The following CHD6 variants were observed in gnomAD, a reference collection of about 807,000 sequenced individuals.
CHD6 encodes ATP-dependent chromatin remodeler CHD6.
Under a neutral mutation model 276.9 loss-of-function variants are expected in CHD6, and 50 were observed. The ratio of observed to expected loss-of-function variants is 0.18; its 90% CI spans 0.14 to 0.23. The LOEUF is 0.23. Ranked by LOEUF, CHD6 falls within the 10% of genes least tolerant of loss-of-function variation. The probability of loss-of-function intolerance (pLI) is 1.00; values close to 1 mark genes in which losing one functional copy is unlikely to be tolerated. For missense variants in CHD6, 2,564 were observed against 3,365.8 expected, an observed-to-expected ratio of 0.76 and a Z score of 5.89; for synonymous variants, 1,173 against 1,229.3, an observed-to-expected ratio of 0.95 and a Z score of 0.96.
rs969822813 is a variant in CHD6, at chr20:41,403,997, C to A, written c.*596G>T. 3 of 1,052,574 alleles carry A rather than the reference C, an allele frequency of 2.9e-6. No homozygotes were observed. Among genetic ancestry groups the A allele is most frequent in the Non-Finnish European group, 3.4e-6 (3 of 871,386 alleles). 65.2% of individuals were successfully genotyped at this position (1,052,574 alleles called of 1,614,324 possible). A position where few individuals can be genotyped will look rare whatever the true frequency, so the allele number is the denominator to read the frequency against. On this transcript the variant is annotated 3_prime_UTR_variant, in exon 37 of 37. Coordinates refer to ENST00000373233, the MANE Select transcript of CHD6 (RefSeq NM_032221.5). ...CACCAAGGGGGAAATTATATTACTACCGGTAAGGTTTTTGTTTTTTATAAA... is the reference window on the plus strand; with the variant it reads ...CACCAAGGGGGAAATTATATTACTAACGGTAAGGTTTTTGTTTTTTATAAA...
At chr20:41,438,374 G>A (rs1000393672) in intron 26 of CHD6, among the ~76,000 whole-genome samples, 1 of 152,098 alleles carries the variant, frequency 6.6e-6, no homozygotes, top group Non-Finnish European at 1.5e-5. Context: ...CGGATCACCT[G>A]AGGTCAGGAG....
In CHD6 at chr20:41,403,702, T is replaced by C. The variant is rs1006493875; in HGVS notation, c.*891A>G. 2.8e-6 allele frequency: 3 copies of C among 1,057,756 alleles called. No homozygotes were observed. Among genetic ancestry groups the C allele is most frequent in the Non-Finnish European group, 3.4e-6 (3 of 874,678 alleles). 65.5% of individuals were successfully genotyped at this position (1,057,756 alleles called of 1,614,324 possible). A position where few individuals can be genotyped will look rare whatever the true frequency, so the allele number is the denominator to read the frequency against. On this transcript the variant is annotated 3_prime_UTR_variant, in exon 37 of 37. Coordinates refer to ENST00000373233, the MANE Select transcript of CHD6 (RefSeq NM_032221.5). Reference sequence around the variant, plus strand: ...AAGCCTGAAGTGAAAATCCATTCGGTCCTGGTGCTCTTTAAACACAGAGAG... The same window carrying C: ...AAGCCTGAAGTGAAAATCCATTCGGCCCTGGTGCTCTTTAAACACAGAGAG...
intron 3 of CHD6, among the ~76,000 whole-genome samples, chr20:41,521,503 C>T (rs1246138533): frequency 6.6e-6 from 1 of 152,118 alleles, no homozygotes; most frequent in Non-Finnish European, 1.5e-5. Context: ...ACTTCTATAA[C>T]ATGTATGAAC....
chr20:41,483,412 C>T lies in CHD6; in HGVS notation c.2365G>A (p.Asp789Asn), dbSNP rs2043339301. The T allele has an allele frequency of 1.2e-6, 2 of 1,613,782 alleles. No homozygotes were observed. The highest frequency in any genetic ancestry group is 1.7e-6 in the Non-Finnish European group (2 of 1,179,858). The change falls in exon 16 of 37, where the codon GAT becomes AAT. Residue 789 changes from aspartate to asparagine, a missense_variant. Asp to Asn is a conservative substitution (Grantham distance 23). This residue lies in a region of CHD6 where 457 missense variants were observed against 889.0 expected (regional missense o/e 0.51). Transcript: ENST00000373233. ...IQAAGKLVLI[D>N]KLLPKLIAGG... ...GCAATCAGCTTAGGGAGTAGTTTAT[C>T]AATCAACACAAGCTTTCCTGCTGCC...
At chr20:41,413,622 C>T in intron 34 of CHD6, 107 bp from the exon 35 acceptor site, 1 of 949,726 alleles carries the variant, frequency 1.1e-6, no homozygotes, top group Non-Finnish European at 1.5e-6. Context: ...CTATTTCCAC[C>T]CTGATATTAC....
At chr20:41,425,101 C>T in intron 29 of CHD6, 77 bp downstream of exon 29, 1 of 1,158,562 alleles carries the variant, frequency 8.6e-7, no homozygotes, top group East Asian at 2.4e-5. Flanking sequence ...TACTCGCCCT[C>T]CAAGCTACCG....
chr20:41,495,417 T>C (rs774080179), intron 8 of CHD6, among the ~76,000 whole-genome samples: 3 of 152,060 alleles, frequency 2.0e-5, no homozygotes, highest in Non-Finnish European at 4.4e-5. Flanking sequence ...ATCAAACTCA[T>C]AGAAGCAGAG....
chr20:41,444,097 C>A (rs141986614), intron 25 of CHD6, among the ~76,000 whole-genome samples: 3 of 152,180 alleles, frequency 2.0e-5, no homozygotes, highest in Non-Finnish European at 4.4e-5. Context: ...AGGCCTTCCC[C>A]CACAAACCAA....
chr20:41,591,760 A>C (rs2045663814), intron 1 of CHD6, among the ~76,000 whole-genome samples: 3 of 152,180 alleles, frequency 2.0e-5, no homozygotes, highest in Admixed American at 2.0e-4. Context: ...GGATTTTCAC[A>C]GATGGAAGGT....
In CHD6 at chr20:41,472,768, C is replaced by T. The variant is rs79136364; in HGVS notation, c.2664+554G>A. On this transcript the variant is annotated intron_variant, in intron 17 of 36. Transcript: ENST00000373233. ...CTTTGCAGTAATCTTTTAAAGCCAC[C>T]GGTTATTTAGTTTGGCTAAAACCAG... Among the ~76,000 whole-genome samples, 575 of 152,204 alleles carry T rather than the reference C, an allele frequency of 3.8e-3. 3 individuals carry two copies. Among genetic ancestry groups the T allele is most frequent in the African/African-American group, 0.013 (544 of 41,520 alleles).
chr20:41,553,526 T>A (rs1009978549), intron 1 of CHD6, among the ~76,000 whole-genome samples: 1 of 152,234 alleles, frequency 6.6e-6, no homozygotes, highest in African/African-American at 2.4e-5. Flanking sequence ...CACACTTACC[T>A]ATTTAGGAAA....
rs755434038 is a variant in CHD6, at chr20:41,421,663, C to G, written c.4972G>C (p.Glu1658Gln). The G allele has an allele frequency of 6.2e-7, 1 of 1,613,290 alleles. No individual in the cohort carries two copies. The highest frequency in any genetic ancestry group is 8.5e-7 in the Non-Finnish European group (1 of 1,179,504). ...TCTACTCTCACTAGATTTTCAGGTT[C>G]ATTTTCAAGGGACTCTGAAGTCCTA... ...MSRTSESLEN[E>Q]PENLVRVESR... The change falls in exon 31 of 37, where the codon GAA (glutamate) becomes CAA (glutamine). Residue 1658 changes from glutamate to glutamine, a missense_variant. By Grantham distance (29) the Glu-to-Gln change is conservative. This residue lies in a region of CHD6 where 1,024 missense variants were observed against 1,047.9 expected (regional missense o/e 0.98). Coordinates refer to ENST00000373233, the MANE Select transcript of CHD6 (RefSeq NM_032221.5).
rs2043604315 is a variant in CHD6 at position 41,493,424 on chromosome 20, A to G, written c.1314+114T>C. The G allele has an allele frequency of 1.5e-5, 16 of 1,063,998 alleles. No individual in the cohort carries two copies. In the South Asian group the frequency reaches 2.2e-4, roughly 15 times the overall value. The allele number at this position is 1,063,998 out of a possible 1,614,324, so 65.9% of individuals were successfully genotyped here. ...ATTGAGGGTTCAATGAGAAGTAACA[A>G]AGGTAAAATACCACAGAAACCACCT... On this transcript the variant is annotated intron_variant, in intron 10 of 36. Transcript: ENST00000373233.
chr20:41,422,603 T>C (rs952292891), intron 30 of CHD6, among the ~76,000 whole-genome samples: 3 of 152,204 alleles, frequency 2.0e-5, no homozygotes. Context: ...TGTGATCATG[T>C]CACTGTACTC....
In CHD6 at chr20:41,483,241, G is replaced by A. The variant is rs570570846; in HGVS notation, c.2468+68C>T. On this transcript the variant is annotated intron_variant, in intron 16 of 36. Transcript: ENST00000373233. ...TGTGTTTAAACAAAATTTTTGAATGGATCAAAAAAATATCAAAGGAAAGGA... is the reference window on the plus strand; with the variant it reads ...TGTGTTTAAACAAAATTTTTGAATGAATCAAAAAAATATCAAAGGAAAGGA... 25 of 1,385,220 alleles carry A rather than the reference G, an allele frequency of 1.8e-5. No homozygotes were observed. The South Asian group carries it at 4.0e-4, about 22-fold the overall frequency. 85.8% of individuals were successfully genotyped at this position (1,385,220 alleles called of 1,614,324 possible).
intron 1 of CHD6, among the ~76,000 whole-genome samples, chr20:41,561,952 A>C (rs1466114321): frequency 6.6e-6 from 1 of 152,042 alleles, no homozygotes; most frequent in Non-Finnish European, 1.5e-5. Flanking sequence ...ATTCTTTCTC[A>C]ATCTGGAAAC....
At chr20:41,529,206 T>C (rs1227006057) in intron 3 of CHD6, among the ~76,000 whole-genome samples, 2 of 152,224 alleles carry the variant, frequency 1.3e-5, no homozygotes, top group African/African-American at 4.8e-5. Flanking sequence ...TATATAACAA[T>C]AGGAGTTATA....
chr20:41,410,488 G>A (rs1904461128), intron 36 of CHD6, among the ~76,000 whole-genome samples: 1 of 152,114 alleles, frequency 6.6e-6, no homozygotes, highest in African/African-American at 2.4e-5. Flanking sequence ...AGGTTCTATG[G>A]CAAAGAAAAA....
chr20:41,492,658 C>T (rs1359240234), intron 10 of CHD6, among the ~76,000 whole-genome samples: 5 of 152,262 alleles, frequency 3.3e-5, no homozygotes, highest in South Asian at 2.1e-4. Context: ...TGGTGGCTCA[C>T]GCCAAAGTAA....
Sources: allele counts gnomAD v4.1 joint callset (sites outside exome capture counted in the v4.1 genomes callset), GRCh38; gene constraint gnomAD v4.1.1; regional missense constraint gnomAD v4.1.1; transcripts MANE v1.5; gene names NCBI Gene and HGNC (gene_info 2026-07-23, HGNC 2026-07-21).